The following MAML3 variants were observed in gnomAD, a reference collection of about 807,000 sequenced individuals.
MAML3 encodes the protein mastermind like transcriptional coactivator 3, also known as mastermind-like protein 3.
MAML3 carries 27 observed loss-of-function variants against 101.9 expected under a neutral mutation model. That is an observed-to-expected ratio of 0.27 (90% CI 0.20 to 0.37). MAML3 has a LOEUF of 0.37. MAML3 is among the 10% of genes least tolerant of loss of function. MAML3 has a pLI of 1.00. For synonymous variants in MAML3, 501 were observed against 555.9 expected, an observed-to-expected ratio of 0.90 and a Z score of 1.39; for missense variants, 1,316 against 1,444.9, an observed-to-expected ratio of 0.91 and a Z score of 1.45.
At chr4:140,135,765 G>A (rs890946718) in intron 1 of MAML3, among the ~76,000 whole-genome samples, 1 of 152,204 alleles carries the variant, frequency 6.6e-6, no homozygotes, top group Admixed American at 6.5e-5. Context: ...CTGCAACAGT[G>A]GGGCCTGTCT....
chr4:139,771,101 T>C (rs941450046), intron 2 of MAML3, among the ~76,000 whole-genome samples: 12 of 152,216 alleles, frequency 7.9e-5, no homozygotes, highest in Non-Finnish European at 1.3e-4. Flanking sequence ...GTTTTATCCA[T>C]TCATGAAGTC....
At chr4:140,115,699 A>G (rs1728505753) in intron 1 of MAML3, among the ~76,000 whole-genome samples, 2 of 152,196 alleles carry the variant, frequency 1.3e-5, no homozygotes, top group Admixed American at 1.3e-4. Context: ...AAAGAGCAAA[A>G]AGCAAGTGTA....
At chr4:139,837,069 C>T (rs566677127) in intron 2 of MAML3, among the ~76,000 whole-genome samples, 35 of 145,318 alleles carry the variant, frequency 2.4e-4, no homozygotes, top group Middle Eastern at 3.8e-3. Flanking sequence ...TTGCTGTGAG[C>T]TGAGATCATG....
At chr4:140,038,354 A>G (rs566553368) in intron 1 of MAML3, among the ~76,000 whole-genome samples, 2 of 152,336 alleles carry the variant, frequency 1.3e-5, no homozygotes, top group Admixed American at 6.5e-5. Flanking sequence ...TGTGGCTCCA[A>G]AGAAAAATAT....
chr4:140,069,544 A>G (rs1345311260), intron 1 of MAML3, among the ~76,000 whole-genome samples: 1 of 88,734 alleles, frequency 1.1e-5, no homozygotes, highest in Non-Finnish European at 2.1e-5. Flanking sequence ...AGGAAGAAGA[A>G]GGAGGAGGAG....
At chr4:139,748,198 T>C (rs1166675275) in intron 2 of MAML3, among the ~76,000 whole-genome samples, 1 of 152,106 alleles carries the variant, frequency 6.6e-6, no homozygotes, top group African/African-American at 2.4e-5. Context: ...CCTCCATCTC[T>C]TTACATTGTC....
rs76298380 is a variant in MAML3 at position 139,896,635 on chromosome 4, A to G, written c.469-5668T>C. Among the ~76,000 whole-genome samples the G allele has an allele frequency of 3.9e-4, 19 of 48,138 alleles. No individual in the cohort carries two copies. The South Asian group carries it at 5.7e-3, about 15-fold the overall frequency. 31.6% of individuals were successfully genotyped at this position (48,138 alleles called of 152,430 possible). ...GTGTGTGTGTGTGTGTGTGTGTGGT[A>G]TGTGGTGTGTGTGTGTGAGAGAGAG... is the stretch of plus-strand genomic sequence containing the variant. On this transcript the variant is annotated intron_variant, in intron 1 of 4. Transcript: ENST00000509479.
intron 1 of MAML3, among the ~76,000 whole-genome samples, chr4:140,026,262 T>A (rs978353594): frequency 3.9e-5 from 6 of 152,152 alleles, no homozygotes; most frequent in African/African-American, 1.4e-4. Flanking sequence ...TACTTACTTA[T>A]ATATATTTTT....
intron 1 of MAML3, among the ~76,000 whole-genome samples, chr4:140,121,879 G>A (rs1199400737): frequency 2.0e-5 from 3 of 152,138 alleles, no homozygotes; most frequent in Non-Finnish European, 2.9e-5. Flanking sequence ...CCAGTGGGGG[G>A]TAACTGAATC....
intron 2 of MAML3, among the ~76,000 whole-genome samples, chr4:139,755,728 G>A (rs191374747): frequency 2.0e-5 from 3 of 152,268 alleles, no homozygotes; most frequent in African/African-American, 7.2e-5. Context: ...AGGGCCCTGC[G>A]CAGTCTGTTG....
intron 2 of MAML3, among the ~76,000 whole-genome samples, chr4:139,799,464 G>A (rs919670497): frequency 6.6e-6 from 1 of 152,158 alleles, no homozygotes; most frequent in African/African-American, 2.4e-5. Flanking sequence ...TGTGTACTGT[G>A]CATGTGTGTA....
intron 2 of MAML3, among the ~76,000 whole-genome samples, chr4:139,757,448 G>A (rs1216872460): frequency 1.3e-5 from 2 of 151,886 alleles, no homozygotes; most frequent in Admixed American, 6.6e-5. Flanking sequence ...TCAGGAGTTC[G>A]AGACCAGCCT....
At chr4:140,147,955 A>G (rs76261905) in intron 1 of MAML3, among the ~76,000 whole-genome samples, 2,264 of 152,262 alleles carry the variant, frequency 0.015, 60 homozygotes, top group African/African-American at 0.051. Context: ...CATGAGAGAG[A>G]GAAATGCCTT....
chr4:139,954,475 T>C (rs573465553), intron 1 of MAML3, among the ~76,000 whole-genome samples: 3 of 152,194 alleles, frequency 2.0e-5, no homozygotes, highest in African/African-American at 7.2e-5. Flanking sequence ...GGAGTCCGCA[T>C]CAGTGGGTCT....
At chr4:139,818,493 G>T (rs1193196531) in intron 2 of MAML3, among the ~76,000 whole-genome samples, 1 of 152,132 alleles carries the variant, frequency 6.6e-6, no homozygotes, top group Non-Finnish European at 1.5e-5. Flanking sequence ...ACTAATTGAG[G>T]TCATATCACA....
Position 139,964,367 on chromosome 4 carries a change from C to G in MAML3, c.469-73400G>C, listed in dbSNP as rs6841661. ...AAAACCAAACACCACATGGTTCTCA[C>G]TCATAAGTGGAAGTTGAACAATGAG... On this transcript the variant is annotated intron_variant, in intron 1 of 4. Coordinates refer to ENST00000509479, the MANE Select transcript of MAML3 (RefSeq NM_018717.5). Among the ~76,000 whole-genome samples the G allele has an allele frequency of 2.6e-5, 4 of 152,000 alleles. No homozygotes were observed. The East Asian group carries it at 5.8e-4, about 22-fold the overall frequency.
chr4:139,775,068 C>G (rs187026632), intron 2 of MAML3, among the ~76,000 whole-genome samples: 1 of 152,128 alleles, frequency 6.6e-6, no homozygotes, highest in Non-Finnish European at 1.5e-5. Flanking sequence ...GTCACCATGA[C>G]TAGAATGAAA....
intron 1 of MAML3, among the ~76,000 whole-genome samples, chr4:140,144,411 G>C (rs943169330): frequency 2.0e-5 from 3 of 152,058 alleles, no homozygotes; most frequent in Non-Finnish European, 4.4e-5. Context: ...AACTGGGAGT[G>C]GTGGCGAGCA....
chr4:139,878,768 G>A (rs1029036487), intron 2 of MAML3, among the ~76,000 whole-genome samples: 9 of 152,152 alleles, frequency 5.9e-5, no homozygotes, highest in East Asian at 1.9e-4. Context: ...ATCAGAACAC[G>A]GAACACAGGG....
Sources: gnomAD v4.1 joint callset for allele counts (sites outside exome capture counted in the v4.1 genomes callset) on GRCh38, gnomAD v4.1.1 for gene constraint, MANE v1.5 for transcripts, NCBI Gene and HGNC (gene_info 2026-07-23, HGNC 2026-07-21) for gene names.